The following PTPRN2 variants were observed in gnomAD, a reference collection of about 807,000 sequenced individuals.
The protein encoded by PTPRN2 is receptor-type tyrosine-protein phosphatase N2.
PTPRN2 carries 74 observed loss-of-function variants against 118.8 expected under a neutral mutation model. The observed-to-expected ratio is 0.62, with a 90% CI of 0.52 to 0.76. PTPRN2 has a LOEUF of 0.76. PTPRN2 is among the 30% of genes least tolerant of loss of function. PTPRN2 has a pLI of 0.00. For synonymous variants in PTPRN2, 641 were observed against 608.0 expected, an observed-to-expected ratio of 1.05 and a Z score of -0.80; for missense variants, 1,481 against 1,394.4, an observed-to-expected ratio of 1.06 and a Z score of -0.99.
intron 12 of PTPRN2, among the ~76,000 whole-genome samples, chr7:157,735,410 T>G (rs1462095583): frequency 6.6e-6 from 1 of 152,068 alleles, no homozygotes; most frequent in Non-Finnish European, 1.5e-5. Flanking sequence ...CGGCCAGGAG[T>G]GCATCTGACT....
rs532133738 is a variant in PTPRN2, at chr7:158,267,312, G to A, written c.277+49507C>T. Among the ~76,000 whole-genome samples, 179 of 141,618 alleles carry A rather than the reference G, an allele frequency of 1.3e-3. 2 individuals carry two copies. The highest frequency in any genetic ancestry group is 4.3e-3 in the African/African-American group (169 of 39,358). 92.9% of individuals were successfully genotyped at this position (141,618 alleles called of 152,430 possible). A position where few individuals can be genotyped will look rare whatever the true frequency, so the allele number is the denominator to read the frequency against. The stretch of plus-strand genomic sequence containing the variant: ...CTGGCCCGGCAGAGCTGGTTCCCGC[G>A]GGGAACCCCGGGGGCGTGGTGCTCA... On this transcript the variant is annotated intron_variant, in intron 3 of 22. Coordinates refer to ENST00000389418, the MANE Select transcript of PTPRN2 (RefSeq NM_002847.5).
At chr7:157,965,470 G>A (rs2128812407) in intron 11 of PTPRN2, among the ~76,000 whole-genome samples, 1 of 152,172 alleles carries the variant, frequency 6.6e-6, no homozygotes, top group East Asian at 1.9e-4. Context: ...ACACAGCTGA[G>A]GGGGTGAAGC....
rs60373194 is a variant in PTPRN2, at chr7:158,139,794, A to C, written c.911-1279T>G. 3.1e-4 allele frequency among the ~76,000 whole-genome samples: 47 copies of C among 152,302 alleles called. No individual in the cohort carries two copies. The South Asian group carries it at 9.3e-3, about 30-fold the overall frequency. On this transcript the variant is annotated intron_variant, in intron 6 of 22. Transcript: ENST00000389418. ...CTGTAAGAACAACGTATTTCATACA[A>C]TGTGCAGAGTCAGGCATTTGACGTT...
At chr7:157,755,560 T>C (rs1472556675) in intron 12 of PTPRN2, among the ~76,000 whole-genome samples, 2 of 152,110 alleles carry the variant, frequency 1.3e-5, no homozygotes, top group Non-Finnish European at 2.9e-5. Flanking sequence ...AAGAATGAAA[T>C]CATGTCTTTT....
Position 158,001,638 on chromosome 7 carries a change from C to T in PTPRN2, c.1723+79660G>A, listed in dbSNP as rs561501968. On this transcript the variant is annotated intron_variant, in intron 11 of 22. Coordinates refer to ENST00000389418, the MANE Select transcript of PTPRN2 (RefSeq NM_002847.5). ...GCAGGCAGTGTAGTAGATGGTAAAACGGCCGAAAACCATCAGCAGCCTCAG... is the reference window on the plus strand; with the variant it reads ...GCAGGCAGTGTAGTAGATGGTAAAATGGCCGAAAACCATCAGCAGCCTCAG... Among the ~76,000 whole-genome samples the T allele has an allele frequency of 3.9e-5, 6 of 152,188 alleles. No homozygotes were observed. In the East Asian group the frequency reaches 5.9e-4, roughly 15 times the overall value.
At chr7:158,124,101 T>C (rs1259727882) in intron 9 of PTPRN2, among the ~76,000 whole-genome samples, 1 of 152,190 alleles carries the variant, frequency 6.6e-6, no homozygotes, top group Non-Finnish European at 1.5e-5. Context: ...GAACTGAATG[T>C]TTTCCGACCC....
chr7:158,083,523 G>A (rs1431283313), intron 10 of PTPRN2, among the ~76,000 whole-genome samples: 1 of 152,188 alleles, frequency 6.6e-6, no homozygotes, highest in Non-Finnish European at 1.5e-5. Context: ...AAGGCTGTGA[G>A]GAGGTTCTTG....
intron 1 of PTPRN2, among the ~76,000 whole-genome samples, chr7:158,566,895 T>C (rs1243464990): frequency 1.3e-5 from 2 of 152,122 alleles, no homozygotes; most frequent in African/African-American, 4.8e-5. Flanking sequence ...TTTGTATTTT[T>C]AGTAGAGATG....
rs1803791757 is a variant in PTPRN2, at chr7:157,629,248, AC to A, written c.2197-7740del. On this transcript the variant is annotated intron_variant, in intron 14 of 22. Transcript: ENST00000389418. This position sits in a 1 kb window ranked among gnomAD's most constrained non-coding sequence, Gnocchi z 4.4. ...TCCTGCAGACCCTGCTGCCAAAGACACCGCAGAACCCATGGGGAGGCAGAAG... is the reference window on the plus strand; with the variant it reads ...TCCTGCAGACCCTGCTGCCAAAGACACGCAGAACCCATGGGGAGGCAGAAG... Among the ~76,000 whole-genome samples the A allele has an allele frequency of 6.6e-6, 1 of 152,100 alleles. No individual in the cohort carries two copies. Among genetic ancestry groups the A allele is most frequent in the African/African-American group, 2.4e-5 (1 of 41,418 alleles).
chr7:158,144,511 C>T (rs966289789), intron 6 of PTPRN2, among the ~76,000 whole-genome samples: 5 of 152,278 alleles, frequency 3.3e-5, no homozygotes, highest in African/African-American at 9.6e-5. Flanking sequence ...TGGTGTCAGG[C>T]GCCTGTAATC....
intron 12 of PTPRN2, among the ~76,000 whole-genome samples, chr7:157,771,702 CACAG>C (rs1304055375): frequency 1.3e-5 from 2 of 152,012 alleles, no homozygotes; most frequent in African/African-American, 4.8e-5. Flanking sequence ...CACACAAACA[CACAG>C]ACACACACGA....
intron 12 of PTPRN2, among the ~76,000 whole-genome samples, chr7:157,727,655 C>A (rs1047075737): frequency 1.3e-4 from 20 of 152,192 alleles, no homozygotes; most frequent in African/African-American, 4.6e-4. Context: ...GAGGCGTGCA[C>A]CTAAAAACGG....
chr7:158,048,327 C>T (rs1809031498), intron 11 of PTPRN2, among the ~76,000 whole-genome samples: 1 of 152,116 alleles, frequency 6.6e-6, no homozygotes, highest in African/African-American at 2.4e-5. Flanking sequence ...ATCTATAAAT[C>T]ACCAGGTCCT....
intron 2 of PTPRN2, among the ~76,000 whole-genome samples, chr7:158,469,975 T>C (rs2129444128): frequency 6.7e-6 from 1 of 149,906 alleles, no homozygotes; most frequent in South Asian, 2.1e-4. Context: ...CATAAAAGAA[T>C]TGGGAGCTGG....
intron 2 of PTPRN2, among the ~76,000 whole-genome samples, chr7:158,370,565 A>G (rs1809903658): frequency 1.3e-5 from 2 of 152,326 alleles, no homozygotes; most frequent in South Asian, 4.1e-4. Flanking sequence ...ATCCTGGCCA[A>G]CACGGTGAAA....
At chr7:158,333,373 C>A (rs62480899) in intron 2 of PTPRN2, among the ~76,000 whole-genome samples, 2 of 84,854 alleles carry the variant, frequency 2.4e-5, no homozygotes, top group East Asian at 3.4e-4. Flanking sequence ...CACACCCACA[C>A]TCGCACCATA....
chr7:157,976,622 G>T (rs1802772144), intron 11 of PTPRN2, among the ~76,000 whole-genome samples: 1 of 151,728 alleles, frequency 6.6e-6, no homozygotes, highest in South Asian at 2.1e-4. Context: ...GGGCCTCCAA[G>T]ATCGCAAACT....
At chr7:158,052,179 A>G (rs1195137879) in intron 11 of PTPRN2, among the ~76,000 whole-genome samples, 1 of 152,244 alleles carries the variant, frequency 6.6e-6, no homozygotes, top group African/African-American at 2.4e-5. Flanking sequence ...TAATATGGCA[A>G]TGACTTCTAC....
intron 6 of PTPRN2, among the ~76,000 whole-genome samples, chr7:158,164,308 G>A (rs111501690): frequency 2.0e-4 from 30 of 147,630 alleles, no homozygotes; most frequent in African/African-American, 6.6e-4. Context: ...ACGCAGAGCA[G>A]GAGCGCGTGC....
Sources: allele counts gnomAD v4.1 joint callset (sites outside exome capture counted in the v4.1 genomes callset), GRCh38; gene constraint gnomAD v4.1.1; non-coding constraint Gnocchi (gnomAD v3.1); transcripts MANE v1.5; gene names NCBI Gene and HGNC (gene_info 2026-07-23, HGNC 2026-07-21).